EIF3K: variants seen among roughly 807,000 people sequenced by gnomAD.
The protein encoded by EIF3K is eukaryotic translation initiation factor 3 subunit K.
EIF3K carries 27 observed loss-of-function variants against 34.2 expected under a neutral mutation model. The ratio of observed to expected loss-of-function variants is 0.79; its 90% CI spans 0.58 to 1.09. EIF3K has a LOEUF of 1.09. Among genes scored for constraint, EIF3K ranks in the 50% least tolerant of loss-of-function variants. EIF3K has a pLI of 0.00. For missense variants in EIF3K, 232 were observed against 275.4 expected (o/e 0.84, Z 1.11); for synonymous variants, 105 against 105.7 (o/e 0.99, Z 0.04).
chr19:38,632,733 GT>G, intron 6 of EIF3K, 55 bp downstream of exon 6: 1 of 1,505,930 alleles, frequency 6.6e-7, no homozygotes, highest in Non-Finnish European at 9.0e-7. Context: ...GGCTAGGGCA[GT>G]GGACCTCAGT....
chr19:38,634,592 T>A (rs1242433387), intron 6 of EIF3K, among the ~76,000 whole-genome samples: 1 of 150,256 alleles, frequency 6.7e-6, no homozygotes, highest in Non-Finnish European at 1.5e-5. Flanking sequence ...GAGCAAAAAC[T>A]CCGTCTCAAA....
Position 38,634,216 on chromosome 19 carries a change from C to G in EIF3K, c.500-777C>G, listed in dbSNP as rs534897885. Among the ~76,000 whole-genome samples, 185 of 148,626 alleles carry G rather than the reference C, an allele frequency of 1.2e-3. 2 individuals are homozygous for G. Among genetic ancestry groups the G allele is most frequent in the Non-Finnish European group, 5.9e-4 (40 of 67,532 alleles). On this transcript the variant is annotated intron_variant, in intron 6 of 7. Transcript: ENST00000248342. ...GTTTCAAACAATTCTCCTGCCTCAG[C>G]CTTCCAAATAGCTGAGACTATAGGC...
intron 4 of EIF3K, among the ~76,000 whole-genome samples, chr19:38,628,833 A>G (rs1976001752): frequency 6.6e-6 from 1 of 151,446 alleles, no homozygotes; most frequent in South Asian, 2.1e-4. Flanking sequence ...AAAAAAAAAA[A>G]GAGAAAAAAT....
At chr19:38,636,843 GTCTCCCGCCCT>G in intron 7 of EIF3K, 35 bp from the exon 8 acceptor site, 2 of 1,612,606 alleles carry the variant, frequency 1.2e-6, no homozygotes, top group South Asian at 1.1e-5. Flanking sequence ...CTGGAGGTTT[GTCTCCCGCCCT>G]TCTCACCTTC....
chr19:38,623,912 G>T (rs575575385), intron 2 of EIF3K, among the ~76,000 whole-genome samples, 165 bp from the exon 3 acceptor site: 1 of 152,302 alleles, frequency 6.6e-6, no homozygotes, highest in African/African-American at 2.4e-5. Context: ...GAGAAAGGTA[G>T]GCTCAGGGAG....
At chr19:38,628,205 T>C (rs1424665135) in intron 4 of EIF3K, among the ~76,000 whole-genome samples, 1 of 152,026 alleles carries the variant, frequency 6.6e-6, no homozygotes. Context: ...CGCCCGGACC[T>C]CTGAGGCATT....
chr19:38,630,248 G>C (rs932805235), intron 4 of EIF3K, among the ~76,000 whole-genome samples: 1 of 150,840 alleles, frequency 6.6e-6, no homozygotes, highest in African/African-American at 2.5e-5. Context: ...CTGCCTCCCA[G>C]GTTCAAGTGA....
At chr19:38,636,280 G>T (rs973253931) in intron 7 of EIF3K, among the ~76,000 whole-genome samples, 7 of 152,190 alleles carry the variant, frequency 4.6e-5, no homozygotes, top group African/African-American at 1.7e-4. Flanking sequence ...TAGGAGCCCA[G>T]CCCTGCCGGG....
intron 3 of EIF3K, among the ~76,000 whole-genome samples, chr19:38,624,706 C>T (rs1013639122): frequency 1.3e-5 from 2 of 151,944 alleles, no homozygotes; most frequent in Admixed American, 6.6e-5. Flanking sequence ...CCACTGCACT[C>T]CACCCTGGGT....
chr19:38,625,518 C>CTTTTTTTTTTT (rs58008087), intron 3 of EIF3K, among the ~76,000 whole-genome samples: 2,413 of 145,630 alleles, frequency 0.017, 113 homozygotes, highest in African/African-American at 0.058. Context: ...TTAATATTTT[C>CTTTTTTTTTTT]TTTTTTTTTG....
rs149062652 is a variant in EIF3K at position 38,620,417 on chromosome 19, A to C, written c.140A>C (p.Asn47Thr). Residue 47 changes from asparagine to threonine, a missense_variant, in exon 2 of 8, where the codon AAC (asparagine) becomes ACC (threonine). Physicochemically the swap from Asn to Thr is moderately conservative, Grantham distance 65 (BLOSUM62 0). Transcript: ENST00000248342. The stretch of plus-strand genomic sequence containing the variant: ...GAAAATGCCTATGATCTGGAAGCCA[A>C]CCTGGCTGTCCTGAAGCTGTAAGTG... ...AKENAYDLEA[N>T]LAVLKLYQFN... 6.2e-7 allele frequency: 1 copy of C among 1,613,842 alleles called. No individual in the cohort carries two copies. The highest frequency in any genetic ancestry group is 8.5e-7 in the Non-Finnish European group (1 of 1,179,942).
chr19:38,620,475 A>G (rs1167096644), intron 2 of EIF3K, 40 bp downstream of exon 2: 2 of 1,573,332 alleles, frequency 1.3e-6, no homozygotes, highest in Admixed American at 1.7e-5. Flanking sequence ...CATTGCAGCA[A>G]CTAGCAGGGT....
In EIF3K at chr19:38,632,688, T is replaced by C. The variant is rs781067401; in HGVS notation, c.499+10T>C. The C allele has an allele frequency of 6.2e-7, 1 of 1,607,662 alleles. No homozygotes were observed. The highest frequency in any genetic ancestry group is 1.1e-5 in the South Asian group (1 of 90,098). On this transcript the variant is annotated intron_variant, in intron 6 of 7. Coordinates refer to ENST00000248342, the MANE Select transcript of EIF3K (RefSeq NM_013234.4). ...CTCGGGGATCTGTCGGGTAACGCCC[T>C]CTGGGTCCTGGTGCACATCTGGGAG...
intron 2 of EIF3K, among the ~76,000 whole-genome samples, chr19:38,622,698 A>G (rs1314720481): frequency 6.6e-6 from 1 of 152,220 alleles, no homozygotes; most frequent in Non-Finnish European, 1.5e-5. Flanking sequence ...TGGGAACGCT[A>G]TGGGAGACGA....
At chr19:38,634,494 A>G (rs1467165658) in intron 6 of EIF3K, among the ~76,000 whole-genome samples, 6 of 151,522 alleles carry the variant, frequency 4.0e-5, no homozygotes. Flanking sequence ...GCTACTCGGG[A>G]GGCTGAGGCA....
chr19:38,636,752 A>C, intron 7 of EIF3K, 137 bp from the exon 8 acceptor site: 1 of 994,468 alleles, frequency 1.0e-6, no homozygotes, highest in East Asian at 2.4e-5. Flanking sequence ...TACTGCACCA[A>C]ACTGCCTTTG....
At chr19:38,619,454 A>G (rs1481431292) in intron 1 of EIF3K, 127 bp downstream of exon 1, 14 of 1,047,432 alleles carry the variant, frequency 1.3e-5, no homozygotes, top group Non-Finnish European at 1.8e-5. Flanking sequence ...CTCCTGGAGG[A>G]GGAGATGCTT....
intron 6 of EIF3K, 59 bp downstream of exon 6, chr19:38,632,737 AC>A: frequency 6.7e-7 from 1 of 1,488,334 alleles, no homozygotes; most frequent in East Asian, 2.4e-5. Flanking sequence ...AGGGCAGTGG[AC>A]CTCAGTCAGC....
chr19:38,632,249 A>G (rs752041498), intron 4 of EIF3K, 181 bp from the exon 5 acceptor site: 16 of 601,722 alleles, frequency 2.7e-5, no homozygotes, highest in East Asian at 8.7e-5. Context: ...GACCTCGTCT[A>G]TGTAACAACA....
Sources: gnomAD v4.1 joint callset for allele counts (sites outside exome capture counted in the v4.1 genomes callset) on GRCh38, gnomAD v4.1.1 for gene constraint, MANE v1.5 for transcripts, NCBI Gene and HGNC (gene_info 2026-07-23, HGNC 2026-07-21) for gene names.